Variants in LMO7 observed in about 807,000 individuals in gnomAD.
The protein encoded by LMO7 is LIM domain 7.
Under a neutral mutation model 206.5 loss-of-function variants are expected in LMO7, and 120 were observed. That is an observed-to-expected ratio of 0.58 (90% CI 0.50 to 0.68). LMO7 has a LOEUF of 0.68. LMO7 is among the 30% of genes least tolerant of loss of function. The pLI is 0.00. For missense variants in LMO7, 1,959 were observed against 1,957.9 expected, an observed-to-expected ratio of 1.00 and a Z score of -0.01; for synonymous variants, 706 against 681.5, an observed-to-expected ratio of 1.04 and a Z score of -0.56.
At chr13:75,748,074 C>A (rs116703096) in intron 3 of LMO7, among the ~76,000 whole-genome samples, 75 of 152,200 alleles carry the variant, frequency 4.9e-4, no homozygotes, top group African/African-American at 1.6e-3. Flanking sequence ...GACGGAGGAA[C>A]AGGGTTATGA....
chr13:75,759,107 G>T (rs1318561146), intron 3 of LMO7, among the ~76,000 whole-genome samples: 1 of 152,146 alleles, frequency 6.6e-6, no homozygotes, highest in Admixed American at 6.5e-5. Flanking sequence ...AGGGGGAAGA[G>T]CTCCTTATAA....
At chr13:75,675,875 C>T (rs960125610) in intron 1 of LMO7, among the ~76,000 whole-genome samples, 7 of 137,016 alleles carry the variant, frequency 5.1e-5, no homozygotes, top group Admixed American at 8.2e-5. Flanking sequence ...TTGTAAAACG[C>T]GTGCACGAGC....
At chr13:75,709,245 C>T (rs1566333991) in intron 1 of LMO7, among the ~76,000 whole-genome samples, 2 of 152,158 alleles carry the variant, frequency 1.3e-5, no homozygotes, top group Non-Finnish European at 2.9e-5. Flanking sequence ...GTGAAAAGTG[C>T]CGCAATAAAC....
chr13:75,808,351 C>G (rs2055830176), intron 10 of LMO7, among the ~76,000 whole-genome samples, 152 bp downstream of exon 10: 2 of 152,172 alleles, frequency 1.3e-5, no homozygotes, highest in Non-Finnish European at 2.9e-5. Flanking sequence ...TTGAAAAACC[C>G]TCAGTCGTTT....
chr13:75,646,010 C>T (rs551105117), intron 1 of LMO7, among the ~76,000 whole-genome samples: 1 of 152,316 alleles, frequency 6.6e-6, no homozygotes, highest in South Asian at 2.1e-4. Flanking sequence ...AGATTTCCCA[C>T]TGTAGGTCTG....
intron 7 of LMO7, among the ~76,000 whole-genome samples, chr13:75,803,121 C>T (rs2054984714): frequency 6.6e-6 from 1 of 151,996 alleles, no homozygotes; most frequent in Admixed American, 6.6e-5. Flanking sequence ...AAGAAAGCAC[C>T]AGTTTATTGA....
Position 75,804,477 on chromosome 13 carries a change from CATG to C in LMO7, c.852_854del (p.His284_Glu285delinsGln). ...TCTGAGAAAGAAAAAGCCAGACAAA[CATG>C]AGGATAACAGAAGAAGTTGGGCAAG... On this transcript the variant is annotated inframe_deletion, in exon 8 of 31. Transcript: ENST00000377534. 1.2e-6 allele frequency: 2 copies of C among 1,614,144 alleles called. No individual in the cohort carries two copies. The highest frequency in any genetic ancestry group is 1.7e-6 in the Non-Finnish European group (2 of 1,180,006).
chr13:75,718,877 G>A (rs1032964095), intron 2 of LMO7, among the ~76,000 whole-genome samples: 4 of 151,824 alleles, frequency 2.6e-5, no homozygotes, highest in African/African-American at 9.7e-5. Flanking sequence ...ATGTCACATA[G>A]TTGGACTCAT....
chr13:75,854,564 G>T (rs1248154783), intron 28 of LMO7, among the ~76,000 whole-genome samples: 3 of 152,106 alleles, frequency 2.0e-5, no homozygotes, highest in Non-Finnish European at 4.4e-5. Flanking sequence ...CTCATGCTGT[G>T]GGGGTGCAGA....
chr13:75,752,255 C>A (rs2047334400), intron 3 of LMO7, among the ~76,000 whole-genome samples: 1 of 151,862 alleles, frequency 6.6e-6, no homozygotes, highest in African/African-American at 2.4e-5. Flanking sequence ...CTCAGCCTCC[C>A]AAGTAGCTGG....
intron 9 of LMO7, chr13:75,806,070 A>G: frequency 9.0e-7 from 1 of 1,113,348 alleles, no homozygotes; most frequent in East Asian, 5.9e-5. Context: ...GAAGGAATTC[A>G]GACTCTGAGG....
intron 1 of LMO7, among the ~76,000 whole-genome samples, chr13:75,684,503 C>G (rs1434543569): frequency 6.6e-6 from 1 of 151,110 alleles, no homozygotes; most frequent in Non-Finnish European, 1.5e-5. Flanking sequence ...CCTTGGCCTC[C>G]CAAAGTGCTG....
At chr13:75,794,344 C>T (rs751892105) in intron 4 of LMO7, among the ~76,000 whole-genome samples, 1 of 152,078 alleles carries the variant, frequency 6.6e-6, no homozygotes, top group South Asian at 2.1e-4. Flanking sequence ...GAGGTGCATG[C>T]TCTTCTTAGG....
intron 1 of LMO7, among the ~76,000 whole-genome samples, chr13:75,653,354 G>A (rs1374643430): frequency 1.3e-5 from 2 of 152,158 alleles, no homozygotes; most frequent in Admixed American, 1.3e-4. Flanking sequence ...TCTGTGACAT[G>A]ATAATTGCTT....
chr13:75,836,619 G>A (rs966497421), intron 19 of LMO7, among the ~76,000 whole-genome samples, 162 bp downstream of exon 19: 11 of 152,218 alleles, frequency 7.2e-5, no homozygotes, highest in Non-Finnish European at 1.3e-4. Context: ...CCAGGTGGAA[G>A]GGCGTTCAGT....
intron 4 of LMO7, among the ~76,000 whole-genome samples, chr13:75,791,397 T>C (rs987938259): frequency 6.6e-6 from 1 of 152,244 alleles, no homozygotes; most frequent in African/African-American, 2.4e-5. Context: ...TTAATTGTTC[T>C]CTGACATTGT....
intron 4 of LMO7, among the ~76,000 whole-genome samples, chr13:75,780,198 T>A (rs1430480196): frequency 6.6e-6 from 1 of 151,924 alleles, no homozygotes; most frequent in Non-Finnish European, 1.5e-5. Flanking sequence ...GGAAACAGGG[T>A]TCAAGAGCAG....
chr13:75,695,020 C>T (rs558978479), intron 1 of LMO7, among the ~76,000 whole-genome samples: 7 of 152,200 alleles, frequency 4.6e-5, no homozygotes, highest in Non-Finnish European at 7.4e-5. Flanking sequence ...CCACACACTC[C>T]GACACACCCC....
At position 75,805,696 on chromosome 13, in the gene LMO7, G is replaced by A; in HGVS notation, c.1132G>A (p.Val378Met). The A allele has an allele frequency of 6.2e-7, 1 of 1,614,010 alleles. No homozygotes were observed. Among genetic ancestry groups the A allele is most frequent in the Non-Finnish European group, 8.5e-7 (1 of 1,179,870 alleles). ...TCCCAAATGTTGGACCCCAGAAGAT[G>A]TGAACTGGAAAAGAATAAAAAGGGA... is the stretch of plus-strand genomic sequence containing the variant. ...FLPKCWTPED[V>M]NWKRIKRETY... Residue 378 changes from valine (V) to methionine (M), a missense_variant, in exon 9 of 31, where the codon GTG becomes ATG. Coordinates refer to ENST00000377534, the MANE Select transcript of LMO7 (RefSeq NM_001306080.2).
Sources: gnomAD v4.1 joint callset for allele counts (sites outside exome capture counted in the v4.1 genomes callset) on GRCh38, gnomAD v4.1.1 for gene constraint, MANE v1.5 for transcripts, NCBI Gene and HGNC (gene_info 2026-07-23, HGNC 2026-07-21) for gene names.